Variants in CUX1 observed in about 807,000 individuals in gnomAD.
The protein encoded by CUX1 is cut like homeobox 1.
A neutral mutation model predicts 158.8 loss-of-function variants in CUX1; 31 were observed. The ratio of observed to expected loss-of-function variants is 0.20; its 90% CI spans 0.15 to 0.26. The LOEUF is 0.26. Ranked by LOEUF, CUX1 falls within the 10% of genes least tolerant of loss-of-function variation. The pLI, the probability that CUX1 is intolerant of heterozygous loss-of-function variation, is 1.00. For synonymous variants in CUX1, 879 were observed against 862.1 expected, an observed-to-expected ratio of 1.02 and a Z score of -0.34; for missense variants, 1,589 against 2,014.6, an observed-to-expected ratio of 0.79 and a Z score of 4.04.
At chr7:102,129,782 G>A (rs1388344081) in intron 8 of CUX1, among the ~76,000 whole-genome samples, 2 of 152,202 alleles carry the variant, frequency 1.3e-5, no homozygotes, top group Admixed American at 6.5e-5. Flanking sequence ...AGAACAAGTT[G>A]TTCGGTCCCC....
chr7:102,164,132 G>A (rs1201857029), intron 9 of CUX1, among the ~76,000 whole-genome samples: 3 of 151,296 alleles, frequency 2.0e-5, no homozygotes, highest in East Asian at 1.9e-4. Flanking sequence ...CGTCCCGTCC[G>A]GGGGCTTTCA....
chr7:102,075,316 C>T (rs1196752905), intron 4 of CUX1, among the ~76,000 whole-genome samples: 2 of 152,198 alleles, frequency 1.3e-5, no homozygotes, highest in African/African-American at 4.8e-5. Context: ...CCTGGCTAAT[C>T]GCCACCGACC....
chr7:101,951,385 AAC>A (rs1211096623), intron 2 of CUX1, among the ~76,000 whole-genome samples: 1 of 152,150 alleles, frequency 6.6e-6, no homozygotes, highest in African/African-American at 2.4e-5. Context: ...CATGTCTGGG[AAC>A]ACCAGTCCCA....
intron 2 of CUX1, among the ~76,000 whole-genome samples, chr7:101,986,454 T>G (rs999815337): frequency 1.3e-5 from 2 of 152,222 alleles, no homozygotes; most frequent in African/African-American, 4.8e-5. Context: ...ATGACTCACT[T>G]AAGAGAGAGC....
At chr7:101,895,242 A>C (rs1444309825) in intron 1 of CUX1, among the ~76,000 whole-genome samples, 2 of 152,144 alleles carry the variant, frequency 1.3e-5, no homozygotes, top group Non-Finnish European at 2.9e-5. Context: ...GCTGGTCTTG[A>C]ACTCCTGACC....
At chr7:101,897,967 C>A (rs1380313752) in intron 1 of CUX1, among the ~76,000 whole-genome samples, 1 of 152,138 alleles carries the variant, frequency 6.6e-6, no homozygotes, top group African/African-American at 2.4e-5. Flanking sequence ...CACCCTCCTA[C>A]CCCCACCCAG....
At chr7:102,014,666 C>G (rs1818393704) in intron 2 of CUX1, among the ~76,000 whole-genome samples, 1 of 152,078 alleles carries the variant, frequency 6.6e-6, no homozygotes, top group South Asian at 2.1e-4. Flanking sequence ...TTGGGATAAT[C>G]CGTTGGGAAG....
intron 4 of CUX1, among the ~76,000 whole-genome samples, chr7:102,074,571 G>T (rs1826493518): frequency 6.6e-6 from 1 of 152,210 alleles, no homozygotes; most frequent in African/African-American, 2.4e-5. Context: ...GCACACAACA[G>T]GTGGGACATA....
intron 1 of CUX1, among the ~76,000 whole-genome samples, chr7:101,862,693 T>C (rs1028335421): frequency 6.6e-6 from 1 of 152,208 alleles, no homozygotes; most frequent in African/African-American, 2.4e-5. Flanking sequence ...AAGTGTGCCC[T>C]GAACACGTTT....
At chr7:102,084,394 C>G (rs910391550) in intron 4 of CUX1, among the ~76,000 whole-genome samples, 6 of 149,658 alleles carry the variant, frequency 4.0e-5, no homozygotes, top group African/African-American at 1.5e-4. Flanking sequence ...CTTGAATTGT[C>G]CATATGCCCT....
At chr7:102,003,703 T>C (rs1321246297) in intron 2 of CUX1, among the ~76,000 whole-genome samples, 2 of 152,196 alleles carry the variant, frequency 1.3e-5, no homozygotes, top group African/African-American at 2.4e-5. Flanking sequence ...TAGGTTGCTA[T>C]GGGGATTGAA....
intron 2 of CUX1, among the ~76,000 whole-genome samples, chr7:102,021,596 C>T (rs1819351718): frequency 6.7e-6 from 1 of 148,236 alleles, no homozygotes; most frequent in Admixed American, 6.8e-5. Flanking sequence ...TTGTGAGCTA[C>T]CAGATACTTT....
intron 1 of CUX1, among the ~76,000 whole-genome samples, chr7:101,820,302 G>A (rs142582650): frequency 2.0e-5 from 3 of 152,176 alleles, no homozygotes; most frequent in Admixed American, 1.3e-4. Context: ...CATACATTTC[G>A]TAAGCAGAGA....
chr7:102,069,577 C>T (rs1236158711), intron 3 of CUX1, among the ~76,000 whole-genome samples: 2 of 152,208 alleles, frequency 1.3e-5, no homozygotes, highest in South Asian at 2.1e-4. Context: ...GATAAAACCT[C>T]GTCTCTACTA....
chr7:101,910,397 A>G (rs1231525010), intron 1 of CUX1, among the ~76,000 whole-genome samples: 1 of 152,050 alleles, frequency 6.6e-6, no homozygotes, highest in Non-Finnish European at 1.5e-5. Context: ...CTGCCTGCCT[A>G]GACCTCCCAA....
intron 20 of CUX1, among the ~76,000 whole-genome samples, chr7:102,213,650 C>T (rs1458394147): frequency 6.6e-6 from 1 of 152,138 alleles, no homozygotes; most frequent in African/African-American, 2.4e-5. Context: ...GTACAAGAGG[C>T]AAAAGTAGGT....
At chr7:102,226,775 C>T (rs188283239) in intron 20 of CUX1, among the ~76,000 whole-genome samples, 5 of 152,242 alleles carry the variant, frequency 3.3e-5, no homozygotes, top group African/African-American at 4.8e-5. Context: ...GGATTACAGG[C>T]GTGAGCCACC....
intron 10 of CUX1, among the ~76,000 whole-genome samples, chr7:102,170,955 T>G (rs1791649456): frequency 6.6e-6 from 1 of 151,646 alleles, no homozygotes; most frequent in Non-Finnish European, 1.5e-5. Flanking sequence ...TGAGGAACAG[T>G]TCAGGATGAG....
At chr7:101,858,652 T>C (rs1337308072) in intron 1 of CUX1, among the ~76,000 whole-genome samples, 3 of 148,934 alleles carry the variant, frequency 2.0e-5, no homozygotes, top group African/African-American at 7.5e-5. Flanking sequence ...GCCCTTAGAA[T>C]GCGAATGCCT....
Sources: gnomAD v4.1 joint callset for allele counts (sites outside exome capture counted in the v4.1 genomes callset) on GRCh38, gnomAD v4.1.1 for gene constraint, MANE v1.5 for transcripts, NCBI Gene and HGNC (gene_info 2026-07-23, HGNC 2026-07-21) for gene names.